FAM124A: variants seen among roughly 807,000 people sequenced by gnomAD.
FAM124A encodes protein FAM124A.
Under a neutral mutation model 24.5 loss-of-function variants are expected in FAM124A, and 23 were observed. The ratio of observed to expected loss-of-function variants is 0.94; its 90% CI spans 0.68 to 1.33. The LOEUF is 1.33. FAM124A is among the 40% of genes most tolerant of loss of function. FAM124A has a pLI of 0.00. For missense variants in FAM124A, 623 were observed against 722.8 expected, an observed-to-expected ratio of 0.86 and a Z score of 1.58; for synonymous variants, 287 against 314.7, an observed-to-expected ratio of 0.91 and a Z score of 0.93.
At chr13:51,238,816 G>A (rs1387174104) in intron 2 of FAM124A, among the ~76,000 whole-genome samples, 1 of 152,224 alleles carries the variant, frequency 6.6e-6, no homozygotes, top group African/African-American at 2.4e-5. Flanking sequence ...TTAACTATCT[G>A]ACAGTTGATA....
At chr13:51,262,658 AG>A (rs1353603316) in intron 3 of FAM124A, among the ~76,000 whole-genome samples, 6 of 152,200 alleles carry the variant, frequency 3.9e-5, no homozygotes, top group African/African-American at 1.4e-4. Context: ...GTTCACTTTA[AG>A]GAACTTTCCT....
chr13:51,254,716 T>C (rs1206284810), intron 3 of FAM124A, among the ~76,000 whole-genome samples: 3 of 152,222 alleles, frequency 2.0e-5, no homozygotes, highest in Admixed American at 1.3e-4. Flanking sequence ...TGATGCCTGA[T>C]GATACTAAAC....
At chr13:51,246,225 C>T (rs1178852645) in intron 2 of FAM124A, among the ~76,000 whole-genome samples, 1 of 152,132 alleles carries the variant, frequency 6.6e-6, no homozygotes, top group African/African-American at 2.4e-5. Context: ...TCGCTAGGTC[C>T]TTTGAGAAGA....
intron 2 of FAM124A, among the ~76,000 whole-genome samples, chr13:51,243,787 C>T (rs9563039): frequency 0.043 from 6,598 of 152,176 alleles, 283 homozygotes; most frequent in East Asian, 0.25. Flanking sequence ...CCACCTGCCT[C>T]GATCTCCGAA....
intron 3 of FAM124A, among the ~76,000 whole-genome samples, chr13:51,271,204 C>A (rs1489786434): frequency 6.6e-6 from 1 of 152,186 alleles, no homozygotes; most frequent in African/African-American, 2.4e-5. Context: ...GGACAGAACG[C>A]TCCTGTGTGC....
At chr13:51,231,264 A>C in intron 1 of FAM124A, 84 bp from the exon 2 acceptor site, 1 of 1,465,910 alleles carries the variant, frequency 6.8e-7, no homozygotes, top group East Asian at 2.3e-5. Context: ...GCTAAATGCT[A>C]CTTACCACTG....
intron 3 of FAM124A, among the ~76,000 whole-genome samples, chr13:51,255,778 CAG>C (rs1954669067): frequency 6.6e-6 from 1 of 152,210 alleles, no homozygotes; most frequent in Non-Finnish European, 1.5e-5. Context: ...AGCTGCTGCA[CAG>C]GGGGAGGCTG....
intron 1 of FAM124A, chr13:51,225,240 C>G (rs1954304393): frequency 6.6e-6 from 1 of 152,106 alleles, no homozygotes; most frequent in Admixed American, 6.6e-5. Context: ...GATGAATCAG[C>G]AGTTGGGTAT....
At position 51,222,467 on chromosome 13, in the gene FAM124A, G is replaced by A. The variant is rs1434591912; in HGVS notation, c.-35G>A. ...AGGGAGGGCGCCCCGGGTCACGACG[G>A]CGCCCGCAAGCCGAGCGCGGCCGGG... On this transcript the variant is annotated 5_prime_UTR_variant, in exon 1 of 4. Transcript: ENST00000322475. 1 of 1,203,906 alleles carries A rather than the reference G, an allele frequency of 8.3e-7. No individual in the cohort carries two copies. Among genetic ancestry groups the A allele is most frequent in the Non-Finnish European group, 1.0e-6 (1 of 970,900 alleles). The allele number at this position is 1,203,906 out of a possible 1,614,324, so 74.6% of individuals were successfully genotyped here. A position where few individuals can be genotyped will look rare whatever the true frequency, so the allele number is the denominator to read the frequency against.
At chr13:51,259,121 T>C (rs1388746886) in intron 3 of FAM124A, among the ~76,000 whole-genome samples, 2 of 152,092 alleles carry the variant, frequency 1.3e-5, no homozygotes, top group African/African-American at 2.4e-5. Context: ...CTGAGTCCTC[T>C]CTCATGAGAC....
rs941255926 is a variant in FAM124A, at chr13:51,251,715, C to A, written c.348C>A (p.Ile116=). The change falls in exon 3 of 4, where the codon ATC becomes ATA. Residue 116 remains isoleucine, a synonymous_variant. Transcript: ENST00000322475. This position sits in a 1 kb window ranked among gnomAD's most constrained non-coding sequence, Gnocchi z 5.3. ...FLQEEYGEEQ[I]LQLHRTLQQP... is the part of the protein sequence containing the mutation. ...AGGAGGAGTACGGCGAAGAGCAGAT[C>A]CTGCAGCTGCACCGCACACTGCAGC... The A allele has an allele frequency of 4.4e-6, 7 of 1,586,646 alleles. No individual in the cohort carries two copies. The highest frequency in any genetic ancestry group is 6.0e-6 in the Non-Finnish European group (7 of 1,168,204).
Position 51,251,586 on chromosome 13 carries a change from C to CCCCGA in FAM124A, c.222_226dup (p.Leu76ProfsTer119). 6.4e-7 allele frequency: 1 copy of CCCCGA among 1,565,208 alleles called. No individual in the cohort carries two copies. Among genetic ancestry groups the CCCCGA allele is most frequent in the Non-Finnish European group, 8.7e-7 (1 of 1,153,152 alleles). On this transcript the variant is annotated frameshift_variant, in exon 3 of 4. Coordinates refer to ENST00000322475, the MANE Select transcript of FAM124A (RefSeq NM_001242312.2). LOFTEE classifies it high-confidence loss of function. The surrounding 1 kb of genome is among the most constrained non-coding windows in gnomAD (Gnocchi z 5.3). ...TCGACAACGTCCTGGCGTGGATCCA[C>CCCCGA]CCCGACCTCCCGCTGTTCCGGGTGT...
intron 3 of FAM124A, among the ~76,000 whole-genome samples, chr13:51,277,658 G>T (rs769907893): frequency 5.3e-5 from 8 of 152,170 alleles, no homozygotes; most frequent in Non-Finnish European, 1.2e-4. Context: ...GCCGGGTGTG[G>T]TGGCACGTGC....
intron 3 of FAM124A, among the ~76,000 whole-genome samples, chr13:51,277,354 G>A (rs1427508494): frequency 6.6e-6 from 1 of 152,136 alleles, no homozygotes; most frequent in Admixed American, 6.5e-5. Context: ...GGTGACCAGG[G>A]GTGAGGGCTG....
At chr13:51,265,240 G>A (rs754345131) in intron 3 of FAM124A, among the ~76,000 whole-genome samples, 12 of 152,162 alleles carry the variant, frequency 7.9e-5, no homozygotes, top group African/African-American at 1.9e-4. Flanking sequence ...CTGGGAAGTC[G>A]GGGAGATGTG....
intron 2 of FAM124A, among the ~76,000 whole-genome samples, chr13:51,231,791 G>A (rs1279529029): frequency 1.3e-5 from 2 of 152,178 alleles, no homozygotes; most frequent in African/African-American, 4.8e-5. Context: ...TGCATCTGCA[G>A]GCAAATATCC....
chr13:51,238,301 G>C (rs1202929403), intron 2 of FAM124A, among the ~76,000 whole-genome samples: 3 of 152,198 alleles, frequency 2.0e-5, no homozygotes, highest in Non-Finnish European at 2.9e-5. Flanking sequence ...GAGCTTGTTA[G>C]AAATGCAGAA....
chr13:51,222,794 A>C (rs1347578854), intron 1 of FAM124A, among the ~76,000 whole-genome samples: 1 of 152,142 alleles, frequency 6.6e-6, no homozygotes, highest in South Asian at 2.1e-4. Flanking sequence ...GTGCAAGCCC[A>C]CCCATCCTGT....
intron 3 of FAM124A, among the ~76,000 whole-genome samples, chr13:51,275,907 A>G (rs186825924): frequency 1.3e-5 from 2 of 152,300 alleles, no homozygotes; most frequent in Non-Finnish European, 2.9e-5. Context: ...TGTTCACCAA[A>G]TGAGGGGAAG....
Sources: gnomAD v4.1 joint callset for allele counts (sites outside exome capture counted in the v4.1 genomes callset) on GRCh38, gnomAD v4.1.1 for gene constraint, Gnocchi (gnomAD v3.1) non-coding constraint, MANE v1.5 for transcripts, NCBI Gene and HGNC (gene_info 2026-07-23, HGNC 2026-07-21) for gene names.